The following EP400 variants were observed in gnomAD, a reference collection of about 807,000 sequenced individuals.
EP400 encodes the protein E1A binding protein p400, also known as E1A-binding protein p400.
A neutral mutation model predicts 354.1 loss-of-function variants in EP400; 105 were observed. The observed-to-expected ratio is 0.30, with a 90% confidence interval of 0.25 to 0.35. The LOEUF (loss-of-function observed/expected upper bound fraction) is 0.35. EP400 is among the 10% of genes least tolerant of loss of function. EP400 has a pLI of 1.00. For missense variants in EP400, 3,280 were observed against 4,121.0 expected (o/e 0.80, Z 5.59); for synonymous variants, 1,646 against 1,716.9 (o/e 0.96, Z 1.02).
intron 45 of EP400, among the ~76,000 whole-genome samples, chr12:132,057,736 A>G (rs945832489): frequency 6.6e-6 from 1 of 152,224 alleles, no homozygotes; most frequent in East Asian, 1.9e-4. Context: ...ACTGCAGTAG[A>G]TAGCAGAAGC....
rs766954325 is a variant in EP400, at chr12:132,050,449, A to G, written c.7327A>G (p.Ile2443Val). Reference protein sequence around the residue: ...KMTAGKRSPPIKPLLGMNPFQ... With the variant: ...KMTAGKRSPPVKPLLGMNPFQ... ...GACTGCTGGCAAGAGGAGTCCCCCA[A>G]TCAAACCTCTGTATGTTTCCTGAGT... The change falls in exon 40 of 53, where the codon ATC (isoleucine) becomes GTC (valine). Residue 2443 changes from isoleucine (I) to valine (V), a missense_variant. Physicochemically the swap from Ile to Val is conservative, Grantham distance 29 (BLOSUM62 3). This residue lies in a region of EP400 where 29 missense variants were observed against 86.0 expected (regional missense o/e 0.34). Transcript: ENST00000389561. The surrounding 1 kb of genome is among the most constrained non-coding windows in gnomAD (Gnocchi z 4.8). The G allele has an allele frequency of 1.9e-5, 30 of 1,614,036 alleles. No homozygotes were observed. The highest frequency in any genetic ancestry group is 2.2e-5 in the South Asian group (2 of 91,084).
Position 132,017,815 on chromosome 12 carries a change from G to C in EP400, c.4110+94G>C. On this transcript the variant is annotated intron_variant, in intron 20 of 52. Transcript: ENST00000389561. This position sits in a 1 kb window ranked among gnomAD's most constrained non-coding sequence, Gnocchi z 5.0. ...ATTCTTGGAAATGGGTTCTCAACCA[G>C]CTCTTCTGCAATTGCAATTGCAGCT... The C allele has an allele frequency of 7.4e-7, 1 of 1,344,826 alleles. No homozygotes were observed. The highest frequency in any genetic ancestry group is 9.9e-7 in the Non-Finnish European group (1 of 1,009,396). 83.3% of individuals were successfully genotyped at this position (1,344,826 alleles called of 1,614,324 possible).
intron 47 of EP400, among the ~76,000 whole-genome samples, chr12:132,063,661 C>T (rs1895783752): frequency 6.6e-6 from 1 of 152,166 alleles, no homozygotes; most frequent in African/African-American, 2.4e-5. Context: ...CTGGGCCTCT[C>T]CGTGGTCTGG....
chr12:131,953,492 G>T (rs955453761), intron 1 of EP400, among the ~76,000 whole-genome samples: 2 of 152,218 alleles, frequency 1.3e-5, no homozygotes, highest in Non-Finnish European at 2.9e-5. Context: ...TGGAGACATT[G>T]AGGGGAGGCT....
intron 5 of EP400, among the ~76,000 whole-genome samples, chr12:131,985,202 GTTAC>G (rs1892813987): frequency 6.6e-6 from 1 of 152,222 alleles, no homozygotes; most frequent in Non-Finnish European, 1.5e-5. Flanking sequence ...GTAGGAACCT[GTTAC>G]TTCTAGGTTA....
At chr12:131,952,872 G>A (rs934014163) in intron 1 of EP400, among the ~76,000 whole-genome samples, 1 of 151,862 alleles carries the variant, frequency 6.6e-6, no homozygotes, top group Non-Finnish European at 1.5e-5. Context: ...TTTTAATAAG[G>A]GTAACACATG....
intron 39 of EP400, among the ~76,000 whole-genome samples, chr12:132,047,893 A>G (rs774795293): frequency 2.0e-5 from 3 of 152,228 alleles, no homozygotes; most frequent in Non-Finnish European, 4.4e-5. Context: ...TCAGAGGCCT[A>G]CCCTCAGAGA....
Position 131,994,231 on chromosome 12 carries a change from T to C in EP400, c.2738-636T>C, listed in dbSNP as rs1343991351. Among the ~76,000 whole-genome samples the C allele has an allele frequency of 2.6e-5, 4 of 151,384 alleles. No individual in the cohort carries two copies. The highest frequency in any genetic ancestry group is 1.3e-4 in the Admixed American group (2 of 15,214). ...AGTTTTGATGGTAGGAAGGGAGAGA[T>C]GTTATGTTAGATTGTGAGAGAAGAA... On this transcript the variant is annotated intron_variant, in intron 11 of 52. Coordinates refer to ENST00000389561, the MANE Select transcript of EP400 (RefSeq NM_015409.5). The surrounding 1 kb of genome is among the most constrained non-coding windows in gnomAD (Gnocchi z 4.6).
intron 2 of EP400, among the ~76,000 whole-genome samples, chr12:131,969,635 T>C (rs921652012): frequency 6.6e-6 from 1 of 152,174 alleles, no homozygotes; most frequent in Non-Finnish European, 1.5e-5. Context: ...TATATATATA[T>C]ATATTCTTTG....
At chr12:132,000,966 T>C (rs1188350874) in intron 12 of EP400, among the ~76,000 whole-genome samples, 1 of 152,228 alleles carries the variant, frequency 6.6e-6, no homozygotes, top group Non-Finnish European at 1.5e-5. Context: ...GCAGGTCTGA[T>C]TCTGCTGTCG....
At chr12:132,072,705 G>A (rs1896100962) in intron 51 of EP400, among the ~76,000 whole-genome samples, 2 of 152,206 alleles carry the variant, frequency 1.3e-5, no homozygotes, top group South Asian at 4.1e-4. Flanking sequence ...TCTTCTGTGT[G>A]TCCTGCCAAT....
At chr12:132,001,623 C>G (rs1196492369) in intron 12 of EP400, among the ~76,000 whole-genome samples, 1 of 152,106 alleles carries the variant, frequency 6.6e-6, no homozygotes, top group Non-Finnish European at 1.5e-5. Flanking sequence ...GACTCCCTTT[C>G]CCGGTCCGCT....
At position 131,960,711 on chromosome 12, in the gene EP400, A is replaced by AC; in HGVS notation, c.96dup (p.Asn33GlnfsTer32). ...AGCGAGGGTGAGGAGCAGCCGGCCC[A>AC]CCCCAACCCACCCCCGTCCCCCGCA... On this transcript the variant is annotated frameshift_variant, in exon 2 of 53. Coordinates refer to ENST00000389561, the MANE Select transcript of EP400 (RefSeq NM_015409.5). LOFTEE classifies it high-confidence loss of function. 167 of 136,222 alleles carry AC rather than the reference A, an allele frequency of 1.2e-3. No homozygotes were observed. The highest frequency in any genetic ancestry group is 2.4e-3 in the South Asian group (30 of 12,438). 8.4% of individuals were successfully genotyped at this position (136,222 alleles called of 1,614,324 possible).
At position 132,054,899 on chromosome 12, in the gene EP400, A is replaced by C. The variant is rs1480515948; in HGVS notation, c.7729-75A>C. ...GGAGTTTGGATTTGATTCTGAATGAAGTGGAAGCCTTTGGAGGATTTATGC... is the reference window on the plus strand; with the variant it reads ...GGAGTTTGGATTTGATTCTGAATGACGTGGAAGCCTTTGGAGGATTTATGC... On this transcript the variant is annotated intron_variant, in intron 43 of 52. Coordinates refer to ENST00000389561, the MANE Select transcript of EP400 (RefSeq NM_015409.5). This position sits in a 1 kb window ranked among gnomAD's most constrained non-coding sequence, Gnocchi z 4.0. 3 of 1,442,576 alleles carry C rather than the reference A, an allele frequency of 2.1e-6. No individual in the cohort carries two copies. The East Asian group carries it at 6.8e-5, about 33-fold the overall frequency. 89.4% of individuals were successfully genotyped at this position (1,442,576 alleles called of 1,614,324 possible). A position where few individuals can be genotyped will look rare whatever the true frequency, so the allele number is the denominator to read the frequency against.
chr12:132,031,593 C>T (rs900088998), intron 29 of EP400, among the ~76,000 whole-genome samples: 5 of 152,198 alleles, frequency 3.3e-5, no homozygotes, highest in Non-Finnish European at 7.3e-5. Context: ...GAGTCCTGCT[C>T]TGTCGCCGAG....
At chr12:132,077,357 TGA>T (rs1307712001) in intron 52 of EP400, 42 bp from the exon 53 acceptor site, 1 of 1,583,138 alleles carries the variant, frequency 6.3e-7, no homozygotes, top group Non-Finnish European at 8.6e-7. Context: ...GTCCCTGGAC[TGA>T]GTTTCCTGGG....
At chr12:131,992,672 GACAGCCCACGGCC>G (rs1389022459) in intron 11 of EP400, among the ~76,000 whole-genome samples, 5 of 152,194 alleles carry the variant, frequency 3.3e-5, no homozygotes, top group Non-Finnish European at 7.3e-5. Flanking sequence ...GTGAGCTGGG[GACAGCCCACGGCC>G]ATGACCTATT....
chr12:132,045,894 G>A lies in EP400; in HGVS notation c.7194G>A (p.Glu2398=), dbSNP rs1895079609. ...RYENVIIPRE[E]GKSKNNRPLR... ...AGAATGTCATCATTCCACGAGAGGA[G>A]GGGAAGGTAAGCACGGTCTCGTTTG... Residue 2398 remains glutamate, a synonymous_variant, in exon 39 of 53, where the codon GAG becomes GAA. Transcript: ENST00000389561. 1 of 1,614,116 alleles carries A rather than the reference G, an allele frequency of 6.2e-7. No homozygotes were observed.
chr12:132,006,558 A>T, intron 14 of EP400, 142 bp from the exon 15 acceptor site: 3 of 977,948 alleles, frequency 3.1e-6, no homozygotes, highest in Non-Finnish European at 4.4e-6. Flanking sequence ...AAAAGAAGCA[A>T]TTCTTCCTCT....
Sources: gnomAD v4.1 joint callset for allele counts (sites outside exome capture counted in the v4.1 genomes callset) on GRCh38, gnomAD v4.1.1 for gene constraint, gnomAD v4.1.1 regional missense constraint, Gnocchi (gnomAD v3.1) non-coding constraint, MANE v1.5 for transcripts, NCBI Gene and HGNC (gene_info 2026-07-23, HGNC 2026-07-21) for gene names.